Variants in GLIS3 observed in about 807,000 individuals in gnomAD.
The protein encoded by GLIS3 is GLIS family zinc finger 3.
GLIS3 carries 53 observed loss-of-function variants against 78.6 expected under a neutral mutation model. That is an observed-to-expected ratio of 0.67 (90% CI 0.54 to 0.85). The LOEUF (loss-of-function observed/expected upper bound fraction) is 0.85. Ranked by LOEUF, GLIS3 falls within the 40% of genes least tolerant of loss-of-function variation. GLIS3 has a pLI of 0.00. For synonymous variants in GLIS3, 684 were observed against 509.9 expected (o/e 1.34, Z -4.60); for missense variants, 1,703 against 1,231.1 (o/e 1.38, Z -5.74).
At chr9:4,051,702 C>T (rs983387906) in intron 4 of GLIS3, among the ~76,000 whole-genome samples, 1 of 152,192 alleles carries the variant, frequency 6.6e-6, no homozygotes, top group Admixed American at 6.5e-5. Context: ...AGTTTGAAAA[C>T]TCTTCAGATG....
At chr9:4,079,822 T>C (rs894257370) in intron 4 of GLIS3, among the ~76,000 whole-genome samples, 2 of 148,392 alleles carry the variant, frequency 1.3e-5, no homozygotes, top group Non-Finnish European at 3.0e-5. Context: ...ACACCCAACA[T>C]GTAAGAGAAA....
chr9:4,179,113 C>T (rs1432812182), intron 2 of GLIS3, among the ~76,000 whole-genome samples: 2 of 152,190 alleles, frequency 1.3e-5, no homozygotes, highest in African/African-American at 4.8e-5. Context: ...ATTGTTTCGC[C>T]TCGGTATCTT....
chr9:4,009,295 G>C (rs1456838231), intron 4 of GLIS3, among the ~76,000 whole-genome samples: 2 of 152,192 alleles, frequency 1.3e-5, no homozygotes, highest in African/African-American at 4.8e-5. Flanking sequence ...GCAGACACAA[G>C]GTGGTTCATG....
At chr9:4,113,098 T>TATAC (rs564192624) in intron 4 of GLIS3, among the ~76,000 whole-genome samples, 2 of 152,086 alleles carry the variant, frequency 1.3e-5, no homozygotes, top group Non-Finnish European at 2.9e-5. Context: ...TAATACTATA[T>TATAC]ATACCCTTTT....
At chr9:4,395,876 C>T in the GLIS3 span, among the ~76,000 whole-genome samples, 6 of 151,160 alleles carry the variant, frequency 4.0e-5, no homozygotes, top group Admixed American at 3.3e-4. Context: ...CTAGTTCAAG[C>T]GATTCTCCTG....
chr9:4,032,361 G>T (rs1344834891), intron 4 of GLIS3, among the ~76,000 whole-genome samples: 2 of 152,036 alleles, frequency 1.3e-5, no homozygotes, highest in African/African-American at 2.4e-5. Flanking sequence ...TAATCACCAA[G>T]AACCAACTTT....
chr9:4,184,793 T>A (rs971728382), intron 2 of GLIS3, among the ~76,000 whole-genome samples: 4 of 152,206 alleles, frequency 2.6e-5, no homozygotes, highest in Non-Finnish European at 1.5e-5. Flanking sequence ...AAGTAGATTA[T>A]TGTGGGGTGG....
chr9:3,953,795 C>CTCTATATA (rs1403671770), intron 4 of GLIS3, among the ~76,000 whole-genome samples: 67 of 73,290 alleles, frequency 9.1e-4, no homozygotes, highest in Admixed American at 2.3e-3. Context: ...CTCTCTCTCT[C>CTCTATATA]TATATATATA....
intron 4 of GLIS3, among the ~76,000 whole-genome samples, chr9:4,026,475 T>C (rs1823358732): frequency 1.3e-5 from 2 of 152,006 alleles, no homozygotes; most frequent in Admixed American, 1.3e-4. Flanking sequence ...TTAAACTTTA[T>C]TGTTCTCCAT....
intron 4 of GLIS3, among the ~76,000 whole-genome samples, chr9:3,991,291 A>G (rs946404235): frequency 6.6e-6 from 1 of 152,188 alleles, no homozygotes; most frequent in African/African-American, 2.4e-5. Flanking sequence ...TTTGACTTTT[A>G]CTTTTACTTT....
At position 3,955,416 on chromosome 9, in the gene GLIS3, T is replaced by C. The variant is rs537805362; in HGVS notation, c.1711-18227A>G. ...AAAAAATGCCTGAACTTGAGTTCCATGGCAGACAGGATGGAGGTGTCATGG... is the reference window on the plus strand; with the variant it reads ...AAAAAATGCCTGAACTTGAGTTCCACGGCAGACAGGATGGAGGTGTCATGG... On this transcript the variant is annotated intron_variant, in intron 4 of 10. Coordinates refer to ENST00000381971, the MANE Select transcript of GLIS3 (RefSeq NM_001042413.2). Among the ~76,000 whole-genome samples the C allele has an allele frequency of 1.1e-4, 17 of 152,338 alleles. No homozygotes were observed. The East Asian group carries it at 2.7e-3, about 24-fold the overall frequency.
chr9:4,419,360 G>A, the GLIS3 span, among the ~76,000 whole-genome samples: 2 of 152,144 alleles, frequency 1.3e-5, no homozygotes, highest in African/African-American at 4.8e-5. Context: ...TTGGCTCACC[G>A]TTCTGCAGGC....
At chr9:4,311,668 T>G (rs1587379084) in intron 2 of GLIS3, among the ~76,000 whole-genome samples, 1 of 152,100 alleles carries the variant, frequency 6.6e-6, no homozygotes, top group East Asian at 1.9e-4. Context: ...CTGACCCTCC[T>G]GCATCGGCCT....
At chr9:4,084,637 G>C (rs1828865580) in intron 4 of GLIS3, among the ~76,000 whole-genome samples, 1 of 152,248 alleles carries the variant, frequency 6.6e-6, no homozygotes, top group Middle Eastern at 3.4e-3. Context: ...TGGTAACAGA[G>C]TGTTCTTTGT....
chr9:3,955,815 T>G (rs1037992020), intron 4 of GLIS3, among the ~76,000 whole-genome samples: 2 of 152,012 alleles, frequency 1.3e-5, no homozygotes, highest in Admixed American at 1.3e-4. Flanking sequence ...CTTCAGAAAT[T>G]TTCATGATAA....
chr9:4,121,488 T>A (rs1832177342), intron 3 of GLIS3, among the ~76,000 whole-genome samples: 1 of 152,180 alleles, frequency 6.6e-6, no homozygotes, highest in Non-Finnish European at 1.5e-5. Flanking sequence ...AGAACATTAT[T>A]TATGGCACTC....
the GLIS3 span, among the ~76,000 whole-genome samples, chr9:4,359,897 G>A: frequency 6.6e-6 from 1 of 151,556 alleles, no homozygotes; most frequent in Non-Finnish European, 1.5e-5. Flanking sequence ...TGAATGTTAA[G>A]TATATAACAT....
chr9:4,032,613 G>GTATTGCGTT (rs1823938277), intron 4 of GLIS3, among the ~76,000 whole-genome samples: 1 of 152,100 alleles, frequency 6.6e-6, no homozygotes, highest in African/African-American at 2.4e-5. Context: ...TGTGCAACAA[G>GTATTGCGTT]GAAAACATAC....
intron 2 of GLIS3, among the ~76,000 whole-genome samples, chr9:4,326,883 T>TGG (rs1817609109): frequency 6.6e-6 from 1 of 151,950 alleles, no homozygotes; most frequent in Non-Finnish European, 1.5e-5. Context: ...TGTGGGTGCA[T>TGG]GTCCTCTCAT....
Sources: gnomAD v4.1 joint callset for allele counts (sites outside exome capture counted in the v4.1 genomes callset) on GRCh38, gnomAD v4.1.1 for gene constraint, MANE v1.5 for transcripts, NCBI Gene and HGNC (gene_info 2026-07-23, HGNC 2026-07-21) for gene names.